KCNN1: variants seen among roughly 807,000 people sequenced by gnomAD.
The protein encoded by KCNN1 is potassium calcium-activated channel subfamily N member 1, also known as small conductance calcium-activated potassium channel protein 1.
Under a neutral mutation model 44.7 loss-of-function variants are expected in KCNN1, and 20 were observed. The ratio of observed to expected loss-of-function variants is 0.45; its 90% CI spans 0.32 to 0.65. KCNN1 has a LOEUF of 0.65. Among genes scored for constraint, KCNN1 ranks in the 30% least tolerant of loss-of-function variants. The pLI, the probability that KCNN1 is intolerant of heterozygous loss-of-function variation, is 0.05. For missense variants in KCNN1, 632 were observed against 785.3 expected, an observed-to-expected ratio of 0.80 and a Z score of 2.33; for synonymous variants, 324 against 341.7, an observed-to-expected ratio of 0.95 and a Z score of 0.57.
chr19:17,977,768 C>T (rs2032253949), intron 3 of KCNN1, among the ~76,000 whole-genome samples: 2 of 152,124 alleles, frequency 1.3e-5, no homozygotes, highest in Non-Finnish European at 2.9e-5. Context: ...TACTAGAGGT[C>T]AGGATGCCAA....
At chr19:17,994,428 C>T (rs1276468812) in intron 9 of KCNN1, among the ~76,000 whole-genome samples, 3 of 144,718 alleles carry the variant, frequency 2.1e-5, no homozygotes, top group Non-Finnish European at 4.5e-5. Context: ...GCCTGGGCAA[C>T]AGAGCGAGAC....
At chr19:17,988,393 G>T in intron 5 of KCNN1, 22 bp from the exon 6 acceptor site, 2 of 1,595,286 alleles carry the variant, frequency 1.3e-6, no homozygotes, top group Non-Finnish European at 8.6e-7. Flanking sequence ...ACGCTGATGT[G>T]CCCCCTCTGC....
Position 17,973,937 on chromosome 19 carries a change from G to C in KCNN1, c.49G>C (p.Gly17Arg). The change falls in exon 2 of 10, where the codon GGG (glycine) becomes CGG (arginine). Residue 17 changes from glycine to arginine, a missense_variant. By Grantham distance (125) the Gly-to-Arg change is moderately radical. Around this residue, in one of 3 missense-constraint regions of KCNN1, gnomAD observed 235 missense variants for 224.0 expected, o/e 1.05. Coordinates refer to ENST00000684775, the MANE Select transcript of KCNN1 (RefSeq NM_001386974.1). Reference protein sequence around the residue: ...NGSVGRPLGSGPGALGRDPPD... With the variant: ...NGSVGRPLGSRPGALGRDPPD... ...CAGCGTGGGGCGGCCGCTGGGCAGC[G>C]GGCCGGGCGCCCTGGGACGAGACCC... 1 of 1,556,466 alleles carries C rather than the reference G, an allele frequency of 6.4e-7. No homozygotes were observed. The highest frequency in any genetic ancestry group is 2.4e-5 in the East Asian group (1 of 41,510).
intron 2 of KCNN1, among the ~76,000 whole-genome samples, chr19:17,958,216 G>T (rs2031589519): frequency 1.3e-5 from 2 of 151,984 alleles, no homozygotes; most frequent in African/African-American, 4.8e-5. Flanking sequence ...AACCAAGAAA[G>T]ATCCCTGTAA....
upstream of KCNN1, among the ~76,000 whole-genome samples, chr19:17,963,933 T>C (rs144029035): frequency 6.6e-6 from 1 of 152,266 alleles, no homozygotes; most frequent in African/African-American, 2.4e-5. Flanking sequence ...CTCGCTATGT[T>C]GCCTAGGCTG....
At position 17,974,278 on chromosome 19, in the gene KCNN1, G is replaced by T; in HGVS notation, c.390G>T (p.Gly130=). The change falls in exon 2 of 10, where the codon GGG becomes GGT. Residue 130 remains glycine, a synonymous_variant. Transcript: ENST00000684775. This position sits in a 1 kb window ranked among gnomAD's most constrained non-coding sequence, Gnocchi z 7.3. The part of the protein sequence containing the change: ...VMVTETELSW[G]VYTKESLYSF... ...TGACGGAGACCGAGCTGTCCTGGGG[G>T]GTGTACACCAAGGTAGGCGTGGTCC... 2 of 1,571,386 alleles carry T rather than the reference G, an allele frequency of 1.3e-6. No homozygotes were observed. Among genetic ancestry groups the T allele is most frequent in the Non-Finnish European group, 1.7e-6 (2 of 1,155,938 alleles).
rs1355727294 is a variant in KCNN1 at position 17,974,124 on chromosome 19, G to A, written c.236G>A (p.Arg79Lys). 1 of 1,612,988 alleles carries A rather than the reference G, an allele frequency of 6.2e-7. No homozygotes were observed. Among genetic ancestry groups the A allele is most frequent in the East Asian group, 2.2e-5 (1 of 44,876 alleles). ...GATGATGAGGAAGATGAGGCCGGCA[G>A]GCAGAGAGCCTCGGGGAAACCCTCA... The part of the protein sequence containing the change: ...DEDDEEDEAG[R>K]QRASGKPSNV... The change falls in exon 2 of 10, where the codon AGG becomes AAG. Residue 79 changes from arginine to lysine, a missense_variant. Transcript: ENST00000684775. The surrounding 1 kb of genome is among the most constrained non-coding windows in gnomAD (Gnocchi z 7.3).
At chr19:17,960,843 C>G (rs980929337) in intron 2 of KCNN1, among the ~76,000 whole-genome samples, 2 of 151,916 alleles carry the variant, frequency 1.3e-5, no homozygotes, top group Admixed American at 6.6e-5. Flanking sequence ...ACATGACCTT[C>G]TCCCTGTTTG....
At chr19:17,963,027 A>G (rs2031719722), upstream of KCNN1, among the ~76,000 whole-genome samples, 1 of 93,520 alleles carries the variant, frequency 1.1e-5, no homozygotes, top group Non-Finnish European at 2.0e-5. Context: ...TTTTTTTGAG[A>G]CGGAGTCTTG....
intron 1 of KCNN1, among the ~76,000 whole-genome samples, chr19:17,973,355 A>T (rs759510213): frequency 6.6e-6 from 1 of 152,140 alleles, no homozygotes; most frequent in Non-Finnish European, 1.5e-5. Context: ...ATCTTGGCTC[A>T]CTACAGCCTC....
intron 9 of KCNN1, among the ~76,000 whole-genome samples, chr19:17,996,989 G>C (rs569802436): frequency 8.5e-5 from 13 of 152,290 alleles, no homozygotes; most frequent in African/African-American, 2.6e-4. Context: ...ACCCAGCTGC[G>C]CTCAGAGCCG....
At position 17,998,574 on chromosome 19, in the gene KCNN1, A is replaced by G; in HGVS notation, c.*168A>G. 2.9e-6 allele frequency: 2 copies of G among 682,858 alleles called. No homozygotes were observed. The highest frequency in any genetic ancestry group is 4.5e-6 in the Non-Finnish European group (2 of 441,934). 42.3% of individuals were successfully genotyped at this position (682,858 alleles called of 1,614,324 possible). On this transcript the variant is annotated 3_prime_UTR_variant, in exon 10 of 10. Transcript: ENST00000684775. This position sits in a 1 kb window ranked among gnomAD's most constrained non-coding sequence, Gnocchi z 5.4. ...CTGCCCAGGCAGAGGGCAGGGCTGGACCATGGGTGAGGGCAGGGGAGCCCG... is the reference window on the plus strand; with the variant it reads ...CTGCCCAGGCAGAGGGCAGGGCTGGGCCATGGGTGAGGGCAGGGGAGCCCG...
intron 4 of KCNN1, among the ~76,000 whole-genome samples, chr19:17,982,778 C>T (rs192246305): frequency 6.6e-6 from 1 of 152,150 alleles, no homozygotes; most frequent in Admixed American, 6.5e-5. Context: ...AGCCTCAGGG[C>T]CCTTGTGTCC....
At chr19:17,996,109 C>T (rs1473337082) in intron 9 of KCNN1, among the ~76,000 whole-genome samples, 5 of 146,014 alleles carry the variant, frequency 3.4e-5, no homozygotes, top group African/African-American at 1.3e-4. Context: ...GAGGGGGGAT[C>T]ACTTGAGCTC....
At chr19:17,987,298 C>G (rs1267327382) in intron 5 of KCNN1, among the ~76,000 whole-genome samples, 3 of 151,990 alleles carry the variant, frequency 2.0e-5, no homozygotes, top group Non-Finnish European at 4.4e-5. Context: ...TTAGTACAGA[C>G]AGGGTTTCAC....
At chr19:17,995,839 G>T (rs1460269265) in intron 9 of KCNN1, among the ~76,000 whole-genome samples, 1 of 152,038 alleles carries the variant, frequency 6.6e-6, no homozygotes, top group Non-Finnish European at 1.5e-5. Flanking sequence ...ACCTGCCTTG[G>T]CCTCCCAAAG....
At chr19:17,967,569 G>A (rs2031858751) in intron 1 of KCNN1, among the ~76,000 whole-genome samples, 1 of 151,894 alleles carries the variant, frequency 6.6e-6, no homozygotes, top group Non-Finnish European at 1.5e-5. Flanking sequence ...TTTGGGGGAG[G>A]GCAGAGCTGT....
upstream of KCNN1, among the ~76,000 whole-genome samples, chr19:17,963,847 G>A (rs1341688288): frequency 1.3e-5 from 2 of 151,818 alleles, no homozygotes; most frequent in African/African-American, 4.8e-5. Flanking sequence ...TGCCTCAGCC[G>A]CCCGAAGGAG....
intron 2 of KCNN1, among the ~76,000 whole-genome samples, chr19:17,958,652 G>A (rs1005323998): frequency 6.6e-6 from 1 of 151,200 alleles, no homozygotes; most frequent in African/African-American, 2.4e-5. Context: ...CACCGTGCCC[G>A]GCTAATTTTT....
Sources: gnomAD v4.1 joint callset for allele counts (sites outside exome capture counted in the v4.1 genomes callset) on GRCh38, gnomAD v4.1.1 for gene constraint, gnomAD v4.1.1 regional missense constraint, Gnocchi (gnomAD v3.1) non-coding constraint, MANE v1.5 for transcripts, NCBI Gene and HGNC (gene_info 2026-07-23, HGNC 2026-07-21) for gene names.